POTEC: variants seen among roughly 807,000 people sequenced by gnomAD.
POTEC encodes ANKRD26-like family B member 2.
Under a neutral mutation model 62.0 loss-of-function variants are expected in POTEC, and 35 were observed. The observed-to-expected ratio is 0.56, with a 90% CI of 0.43 to 0.75. The LOEUF (loss-of-function observed/expected upper bound fraction) is 0.75. Among genes scored for constraint, POTEC ranks in the 30% least tolerant of loss-of-function variants. The probability of loss-of-function intolerance (pLI) is 0.00; values close to 1 mark genes in which losing one functional copy is unlikely to be tolerated. For missense variants in POTEC, 472 were observed against 655.9 expected (o/e 0.72, Z 3.06); for synonymous variants, 156 against 221.5 (o/e 0.70, Z 2.62).
In POTEC at chr18:14,537,850, A is replaced by T; in HGVS notation, c.761T>A (p.Met254Lys). The change falls in exon 3 of 11, where the codon ATG becomes AAG. Residue 254 changes from methionine (M) to lysine (K), a missense_variant. Physicochemically the swap from Met to Lys is moderately conservative, Grantham distance 95. Around this residue, in one of 5 missense-constraint regions of POTEC, gnomAD observed 52 missense variants for 54.2 expected, o/e 0.96. Transcript: ENST00000358970. ...HYAVHNEDKL[M>K]AKALLLYGAD... ...ACCATATAAGAGCAGTGCTTTGGCC[A>T]TTAATTTATCTTCATTGTGGACAGC... 1 of 1,612,148 alleles carries T rather than the reference A, an allele frequency of 6.2e-7. No homozygotes were observed. Among genetic ancestry groups the T allele is most frequent in the African/African-American group, 1.3e-5 (1 of 74,980 alleles).
At chr18:14,541,188 C>T (rs994161109) in intron 1 of POTEC, among the ~76,000 whole-genome samples, 32 of 152,090 alleles carry the variant, frequency 2.1e-4, no homozygotes, top group Non-Finnish European at 1.3e-4. Context: ...CATGGCTGGC[C>T]TTTCATTCCT....
intron 6 of POTEC, chr18:14,528,980 C>T (rs1277790873): frequency 2.2e-6 from 1 of 454,432 alleles, no homozygotes; most frequent in Non-Finnish European, 4.4e-6. Context: ...ATTAGATGTT[C>T]TTCTGGCAAA....
In POTEC at chr18:14,507,384, A is replaced by T. The variant is rs1397474768; in HGVS notation, c.*4514T>A. On this transcript the variant is annotated 3_prime_UTR_variant, in exon 11 of 11. Coordinates refer to ENST00000358970, the MANE Select transcript of POTEC (RefSeq NM_001137671.2). ...TATTGGTATAGTCTGTTTTGTCAGA[A>T]ACTAGGAGTGCAACACCTGCTTTTT... is the stretch of plus-strand genomic sequence containing the variant. The T allele has an allele frequency of 6.6e-6, 1 of 151,536 alleles. No individual in the cohort carries two copies. The highest frequency in any genetic ancestry group is 2.4e-5 in the African/African-American group (1 of 41,218). 9.4% of individuals were successfully genotyped at this position (151,536 alleles called of 1,614,324 possible). A position where few individuals can be genotyped will look rare whatever the true frequency, so the allele number is the denominator to read the frequency against.
intron 3 of POTEC, among the ~76,000 whole-genome samples, chr18:14,537,211 A>ACACACACAC (rs1555624120): frequency 1.7e-3 from 81 of 49,014 alleles, no homozygotes; most frequent in Admixed American, 3.0e-3. Flanking sequence ...ACACACACAC[A>ACACACACAC]AAAAAAAAAA....
chr18:14,513,092 AT>A (rs1910050971), intron 10 of POTEC, among the ~76,000 whole-genome samples: 1 of 152,148 alleles, frequency 6.6e-6, no homozygotes, highest in Non-Finnish European at 1.5e-5. Context: ...ATACTTATCA[AT>A]AAATTATCAC....
intron 9 of POTEC, among the ~76,000 whole-genome samples, chr18:14,516,298 T>TTATATATATATATATA (rs200611192): frequency 4.4e-4 from 11 of 25,102 alleles, no homozygotes; most frequent in East Asian, 1.1e-3. Flanking sequence ...AAAGAAAATT[T>TTATATATATATATATA]TATATATATA....
At position 14,543,568 on chromosome 18, in the gene POTEC, A is replaced by AGCGT. The variant is rs1359708161; in HGVS notation, c.-426_-423dup. On this transcript the variant is annotated 5_prime_UTR_variant, in exon 1 of 11. Coordinates refer to ENST00000358970, the MANE Select transcript of POTEC (RefSeq NM_001137671.2). Reference sequence around the variant, plus strand: ...AGGCCAAGCGAGGAACGCAAAGCGAAGCGTACCCGTTACAGGTAAGCCAAG... The same window carrying AGCGT: ...AGGCCAAGCGAGGAACGCAAAGCGAAGCGTGCGTACCCGTTACAGGTAAGCCAAG... The AGCGT allele has an allele frequency of 6.6e-6, 2 of 301,548 alleles. No homozygotes were observed. The highest frequency in any genetic ancestry group is 4.6e-5 in the African/African-American group (2 of 43,022). The allele number at this position is 301,548 out of a possible 1,614,324, so 18.7% of individuals were successfully genotyped here.
At chr18:14,533,923 GT>G (rs1905617277) in intron 4 of POTEC, among the ~76,000 whole-genome samples, 2 of 122,428 alleles carry the variant, frequency 1.6e-5, no homozygotes, top group Admixed American at 8.3e-5. Context: ...TTTTTGTTTT[GT>G]TATTTTTTTT....
chr18:14,529,957 T>C (rs901838164), intron 6 of POTEC, among the ~76,000 whole-genome samples: 6 of 151,924 alleles, frequency 3.9e-5, no homozygotes, highest in African/African-American at 1.4e-4. Context: ...CACAGACTGG[T>C]ACCACTCCAT....
At chr18:14,517,999 T>G (rs1910210246) in intron 9 of POTEC, among the ~76,000 whole-genome samples, 1 of 152,136 alleles carries the variant, frequency 6.6e-6, no homozygotes, top group Non-Finnish European at 1.5e-5. Context: ...AAAATTAATA[T>G]AAAGAATGTA....
intron 6 of POTEC, among the ~76,000 whole-genome samples, chr18:14,525,886 T>C (rs1910422109): frequency 6.6e-6 from 1 of 152,136 alleles, no homozygotes; most frequent in African/African-American, 2.4e-5. Flanking sequence ...ATGACAAATT[T>C]ATATTCATTT....
Position 14,543,110 on chromosome 18 carries a change from C to T in POTEC, c.37G>A (p.Ala13Thr), listed in dbSNP as rs45561536. The change falls in exon 1 of 11, where the codon GCT (alanine) becomes ACT (threonine). Residue 13 changes from alanine (A) to threonine (T), a missense_variant. By Grantham distance (58) the Ala-to-Thr change is moderately conservative. This residue lies in a region of POTEC where 257 missense variants were observed against 250.7 expected (regional missense o/e 1.03). Coordinates refer to ENST00000358970, the MANE Select transcript of POTEC (RefSeq NM_001137671.2). ...TEVCSMPAAS[A>T]VKKPFDLRSK... ...CTGAGATCGAATGGCTTCTTCACAG[C>T]AGAGGCAGCGGGCATTGAACAAACC... is the stretch of plus-strand genomic sequence containing the variant. The T allele has an allele frequency of 1.2e-6, 2 of 1,613,984 alleles. No homozygotes were observed. The highest frequency in any genetic ancestry group is 1.1e-5 in the South Asian group (1 of 91,076).
chr18:14,534,327 TA>T (rs1905634232), intron 4 of POTEC, among the ~76,000 whole-genome samples: 1 of 151,342 alleles, frequency 6.6e-6, no homozygotes, highest in Non-Finnish European at 1.5e-5. Flanking sequence ...CAACTAAAAA[TA>T]AAAACATCAA....
intron 1 of POTEC, among the ~76,000 whole-genome samples, chr18:14,539,285 A>T (rs556335699): frequency 9.9e-5 from 15 of 152,000 alleles, no homozygotes; most frequent in Non-Finnish European, 7.4e-5. Context: ...CAACTTTTAC[A>T]TTCGGGGATA....
chr18:14,522,540 A>G, intron 8 of POTEC, 120 bp from the exon 9 acceptor site: 1 of 1,502,022 alleles, frequency 6.7e-7, no homozygotes. Flanking sequence ...AATATCTCAC[A>G]CTTAAATTTG....
chr18:14,539,261 T>C lies in POTEC; in HGVS notation c.522-1012A>G, dbSNP rs7227495. On this transcript the variant is annotated intron_variant, in intron 1 of 10. Coordinates refer to ENST00000358970, the MANE Select transcript of POTEC (RefSeq NM_001137671.2). ...TTTAAAATGGATTTATGAAACTATT[T>C]GTGGAGCTTTTTTCAACTTTTACAT... Among the ~76,000 whole-genome samples the C allele has an allele frequency of 5.5e-3, 832 of 152,134 alleles. 5 individuals are homozygous for C. The highest frequency in any genetic ancestry group is 0.02 in the African/African-American group (810 of 41,486).
chr18:14,538,861 C>G (rs1905838524), intron 1 of POTEC, among the ~76,000 whole-genome samples: 1 of 152,224 alleles, frequency 6.6e-6, no homozygotes, highest in African/African-American at 2.4e-5. Context: ...TCATGATTTA[C>G]TATAATTATA....
intron 9 of POTEC, among the ~76,000 whole-genome samples, chr18:14,516,063 T>C (rs939734697): frequency 4.0e-5 from 6 of 150,784 alleles, no homozygotes; most frequent in African/African-American, 1.5e-4. Flanking sequence ...AGTTATACAC[T>C]GCTGGTGGGG....
At chr18:14,516,337 C>G (rs11080770) in intron 9 of POTEC, among the ~76,000 whole-genome samples, 2 of 22,974 alleles carry the variant, frequency 8.7e-5, no homozygotes, top group Middle Eastern at 0.019. Flanking sequence ...TATATATATA[C>G]CTATACCTGA....
Sources: allele counts gnomAD v4.1 joint callset (sites outside exome capture counted in the v4.1 genomes callset), GRCh38; gene constraint gnomAD v4.1.1; regional missense constraint gnomAD v4.1.1; transcripts MANE v1.5; gene names NCBI Gene and HGNC (gene_info 2026-07-23, HGNC 2026-07-21).